The following LSAMP variants were observed in gnomAD, a reference collection of about 807,000 sequenced individuals.
The protein encoded by LSAMP is limbic system-associated membrane protein.
In LSAMP, 7 loss-of-function variants were observed where a neutral mutation model predicts 38.6. The observed-to-expected ratio is 0.18, with a 90% CI of 0.10 to 0.34. LSAMP has a LOEUF of 0.34. Among genes scored for constraint, LSAMP ranks in the 10% least tolerant of loss-of-function variants. LSAMP has a pLI of 1.00. For missense variants in LSAMP, 313 were observed against 420.0 expected, an observed-to-expected ratio of 0.75 and a Z score of 2.23; for synonymous variants, 154 against 166.8, an observed-to-expected ratio of 0.92 and a Z score of 0.59.
At chr3:116,003,892 A>C (rs1281723111) in intron 3 of LSAMP, among the ~76,000 whole-genome samples, 1 of 152,180 alleles carries the variant, frequency 6.6e-6, no homozygotes, top group Non-Finnish European at 1.5e-5. Context: ...TCTGGCCTCC[A>C]AAATAGTGAG....
intron 1 of LSAMP, among the ~76,000 whole-genome samples, chr3:116,432,783 A>G (rs1239317202): frequency 3.3e-5 from 5 of 152,144 alleles, no homozygotes; most frequent in Non-Finnish European, 7.4e-5. Context: ...TTCATGCCCA[A>G]TCTAGAGGTT....
intron 1 of LSAMP, among the ~76,000 whole-genome samples, chr3:116,116,827 T>C (rs1157217943): frequency 6.6e-6 from 1 of 152,172 alleles, no homozygotes; most frequent in Non-Finnish European, 1.5e-5. Context: ...GTGAGGCCGC[T>C]GTACTACAGA....
chr3:115,905,749 C>A (rs890035866), intron 3 of LSAMP, among the ~76,000 whole-genome samples: 2 of 152,078 alleles, frequency 1.3e-5, no homozygotes, highest in African/African-American at 4.8e-5. Flanking sequence ...TGCTCATTCC[C>A]CTCCCCTTGC....
intron 1 of LSAMP, among the ~76,000 whole-genome samples, chr3:116,262,161 C>T (rs2046834570): frequency 6.6e-6 from 1 of 152,088 alleles, no homozygotes; most frequent in African/African-American, 2.4e-5. Flanking sequence ...TACCTAAATG[C>T]AATGACTATT....
intron 1 of LSAMP, among the ~76,000 whole-genome samples, chr3:116,299,664 A>T (rs913619734): frequency 6.6e-6 from 1 of 152,202 alleles, no homozygotes; most frequent in African/African-American, 2.4e-5. Context: ...ATTAGACCAC[A>T]TCAGCACTGG....
chr3:116,186,953 G>A (rs1010979372), intron 1 of LSAMP, among the ~76,000 whole-genome samples: 26 of 152,122 alleles, frequency 1.7e-4, no homozygotes, highest in Admixed American at 7.9e-4. Flanking sequence ...TAGGTTGAAG[G>A]AGGGGCAACC....
intron 2 of LSAMP, among the ~76,000 whole-genome samples, chr3:116,071,412 AT>A (rs1300901392): frequency 6.6e-6 from 1 of 151,874 alleles, no homozygotes; most frequent in Non-Finnish European, 1.5e-5. Flanking sequence ...TATAAACTAA[AT>A]AATATAAATT....
intron 1 of LSAMP, among the ~76,000 whole-genome samples, chr3:116,261,139 G>GTAGA (rs2046820659): frequency 2.0e-5 from 3 of 152,220 alleles, no homozygotes; most frequent in South Asian, 4.1e-4. Flanking sequence ...TATAGCACTC[G>GTAGA]TAGATAGTGA....
chr3:115,862,095 CA>C (rs557335311), intron 3 of LSAMP, among the ~76,000 whole-genome samples: 47 of 152,176 alleles, frequency 3.1e-4, no homozygotes, highest in African/African-American at 1.1e-3. Flanking sequence ...AACCTGGGGG[CA>C]GGGGGTTGTT....
chr3:116,405,545 G>T (rs1365453498), intron 1 of LSAMP, among the ~76,000 whole-genome samples: 2 of 151,996 alleles, frequency 1.3e-5, no homozygotes, highest in Non-Finnish European at 2.9e-5. Context: ...AGGAGATGTT[G>T]CATCTTGACT....
chr3:116,297,269 A>C (rs2047348809), intron 1 of LSAMP, among the ~76,000 whole-genome samples: 1 of 152,168 alleles, frequency 6.6e-6, no homozygotes, highest in Admixed American at 6.5e-5. Context: ...ATAATCTTCA[A>C]AAGGGGTCAC....
At chr3:116,246,057 C>A (rs2046602135) in intron 1 of LSAMP, among the ~76,000 whole-genome samples, 1 of 152,066 alleles carries the variant, frequency 6.6e-6, no homozygotes, top group Non-Finnish European at 1.5e-5. Context: ...CTTTACTTCC[C>A]AATGAGAAAA....
chr3:116,059,622 G>A (rs1263381768), intron 2 of LSAMP, among the ~76,000 whole-genome samples: 2 of 152,186 alleles, frequency 1.3e-5, no homozygotes, highest in East Asian at 3.9e-4. Context: ...GGTAGAGCTA[G>A]TGTATCCTAA....
In LSAMP at chr3:116,004,128, A is replaced by T. The variant is rs540376523; in HGVS notation, c.514+15387T>A. On this transcript the variant is annotated intron_variant, in intron 3 of 6. Transcript: ENST00000490035. Reference sequence around the variant, plus strand: ...GCAAACTGAGAAATCATAAAGTGTTATAATATTTATTACTAAAAATCTAAA... The same window carrying T: ...GCAAACTGAGAAATCATAAAGTGTTTTAATATTTATTACTAAAAATCTAAA... Among the ~76,000 whole-genome samples, 10 of 152,296 alleles carry T rather than the reference A, an allele frequency of 6.6e-5. No individual in the cohort carries two copies. The South Asian group carries it at 2.1e-3, about 32-fold the overall frequency.
chr3:116,323,211 A>G (rs185965482), intron 1 of LSAMP, among the ~76,000 whole-genome samples: 1 of 152,266 alleles, frequency 6.6e-6, no homozygotes, highest in East Asian at 1.9e-4. Flanking sequence ...TGACTTAGCT[A>G]CTTTCCACAA....
intron 3 of LSAMP, among the ~76,000 whole-genome samples, chr3:115,897,391 G>A (rs1936756007): frequency 6.6e-6 from 1 of 151,946 alleles, no homozygotes; most frequent in South Asian, 2.1e-4. Context: ...CATACAGTAG[G>A]CCCTCAGTTA....
chr3:116,111,874 C>G (rs933287377), intron 1 of LSAMP, among the ~76,000 whole-genome samples: 12 of 152,284 alleles, frequency 7.9e-5, no homozygotes, highest in African/African-American at 2.4e-4. Flanking sequence ...GATGTTGGAA[C>G]AAAATCAAGG....
chr3:115,857,915 A>G (rs1935557747), intron 3 of LSAMP, among the ~76,000 whole-genome samples: 1 of 152,198 alleles, frequency 6.6e-6, no homozygotes, highest in African/African-American at 2.4e-5. Flanking sequence ...AATAACTCCA[A>G]TTAAAGCATG....
At chr3:116,080,500 A>G (rs1015631537) in intron 2 of LSAMP, among the ~76,000 whole-genome samples, 1 of 152,248 alleles carries the variant, frequency 6.6e-6, no homozygotes, top group Non-Finnish European at 1.5e-5. Context: ...GTAATTAATT[A>G]TGCTTGGATG....
Sources: gnomAD v4.1 joint callset for allele counts (sites outside exome capture counted in the v4.1 genomes callset) on GRCh38, gnomAD v4.1.1 for gene constraint, MANE v1.5 for transcripts, NCBI Gene and HGNC (gene_info 2026-07-23, HGNC 2026-07-21) for gene names.